Variants in FLVCR1 observed in about 807,000 individuals in gnomAD.
FLVCR1 encodes the protein FLVCR choline and heme transporter 1.
In FLVCR1, 34 loss-of-function variants were observed where a neutral mutation model predicts 53.6. That is an observed-to-expected ratio of 0.63 (90% CI 0.48 to 0.84). FLVCR1 has a LOEUF of 0.84. FLVCR1 is among the 40% of genes least tolerant of loss of function. FLVCR1 has a pLI of 0.00. For synonymous variants in FLVCR1, 300 were observed against 286.3 expected (o/e 1.05, Z -0.48); for missense variants, 677 against 696.7 (o/e 0.97, Z 0.32).
intron 3 of FLVCR1, among the ~76,000 whole-genome samples, chr1:212,877,903 G>T (rs1052405889): frequency 2.6e-5 from 4 of 152,048 alleles, no homozygotes; most frequent in Non-Finnish European, 5.9e-5. Context: ...GGAGGTCCTG[G>T]CTGGCTCAGT....
intron 8 of FLVCR1, 82 bp downstream of exon 8, chr1:212,889,339 A>G (rs1433848913): frequency 3.5e-6 from 3 of 860,738 alleles, no homozygotes; most frequent in Non-Finnish European, 6.0e-6. Context: ...AGCTTGACAG[A>G]ACTCAAGGGG....
chr1:212,865,125 A>C (rs938701149), intron 2 of FLVCR1, among the ~76,000 whole-genome samples: 21 of 137,252 alleles, frequency 1.5e-4, no homozygotes, highest in African/African-American at 5.1e-4. Flanking sequence ...TAAAAAAAAA[A>C]CACCAAAATT....
At chr1:212,865,343 T>TTGTTCAGTTCCCAC (rs759385493) in intron 2 of FLVCR1, among the ~76,000 whole-genome samples, 216 of 149,964 alleles carry the variant, frequency 1.4e-3, no homozygotes, top group Non-Finnish European at 2.6e-3. Context: ...TGTGTTCTCA[T>TTGTTCAGTTCCCAC]TGTTCAGTTC....
chr1:212,890,867 C>T (rs7553536), intron 8 of FLVCR1, among the ~76,000 whole-genome samples: 13,104 of 152,176 alleles, frequency 0.086, 711 homozygotes, highest in African/African-American at 0.15. Flanking sequence ...TACCTAAGGT[C>T]GCTCACTCAA....
At chr1:212,879,348 G>T (rs180699121) in intron 3 of FLVCR1, among the ~76,000 whole-genome samples, 5 of 152,018 alleles carry the variant, frequency 3.3e-5, no homozygotes, top group Admixed American at 6.6e-5. Flanking sequence ...TTTGCGTGAG[G>T]GTCACAGCAT....
chr1:212,898,170 C>T lies in FLVCR1; in HGVS notation c.*2880C>T, dbSNP rs1665387355. On this transcript the variant is annotated 3_prime_UTR_variant, in exon 10 of 10. Transcript: ENST00000366971. ...AAGATCTTTCCAAAATATTAAATGCCATTAATCATGGAATAGACCAAATTA... is the reference window on the plus strand; with the variant it reads ...AAGATCTTTCCAAAATATTAAATGCTATTAATCATGGAATAGACCAAATTA... The T allele has an allele frequency of 6.6e-6, 1 of 152,140 alleles. No individual in the cohort carries two copies. Among genetic ancestry groups the T allele is most frequent in the Non-Finnish European group, 1.5e-5 (1 of 68,030 alleles). 9.4% of individuals were successfully genotyped at this position (152,140 alleles called of 1,614,324 possible). A position where few individuals can be genotyped will look rare whatever the true frequency, so the allele number is the denominator to read the frequency against.
At position 212,858,277 on chromosome 1, in the gene FLVCR1, A is replaced by T. The variant is rs555000488; in HGVS notation, c.-176A>T. 1.6e-6 allele frequency: 1 copy of T among 614,240 alleles called. No individual in the cohort carries two copies. Among genetic ancestry groups the T allele is most frequent in the African/African-American group, 2.0e-5 (1 of 51,248 alleles). 38.0% of individuals were successfully genotyped at this position (614,240 alleles called of 1,614,324 possible). Reference sequence around the variant, plus strand: ...ACTGCCGCGCGGCGCGGGGGAGGAGACCTTCATCTGTTCACGCGGTAGCGC... The same window carrying T: ...ACTGCCGCGCGGCGCGGGGGAGGAGTCCTTCATCTGTTCACGCGGTAGCGC... On this transcript the variant is annotated 5_prime_UTR_variant, in exon 1 of 10. Coordinates refer to ENST00000366971, the MANE Select transcript of FLVCR1 (RefSeq NM_014053.4).
intron 2 of FLVCR1, chr1:212,870,272 A>G (rs1044114704): frequency 4.6e-5 from 7 of 152,244 alleles, no homozygotes; most frequent in African/African-American, 1.7e-4. Flanking sequence ...AGTTTTAGTT[A>G]TATCACAGTT....
intron 3 of FLVCR1, among the ~76,000 whole-genome samples, chr1:212,879,973 TA>T (rs936274574): frequency 1.3e-5 from 1 of 78,784 alleles, no homozygotes; most frequent in African/African-American, 3.2e-5. Flanking sequence ...GATAACATAG[TA>T]TTTTTTTTTT....
intron 3 of FLVCR1, among the ~76,000 whole-genome samples, chr1:212,876,876 A>G (rs937009002): frequency 1.2e-4 from 19 of 152,166 alleles, no homozygotes; most frequent in African/African-American, 4.3e-4. Context: ...GGTGGGTCAA[A>G]TGGTATTTCT....
At chr1:212,891,442 C>G (rs1252103777) in intron 8 of FLVCR1, among the ~76,000 whole-genome samples, 1 of 86,282 alleles carries the variant, frequency 1.2e-5, no homozygotes, top group African/African-American at 2.9e-5. Flanking sequence ...GAGACTCCGT[C>G]TCAAAAAAAA....
Position 212,895,253 on chromosome 1 carries a change from C to T in FLVCR1, c.1631C>T (p.Thr544Met), listed in dbSNP as rs3207090. 750,795 of 1,609,178 alleles carry T rather than the reference C, an allele frequency of 0.47. 180,923 individuals are homozygous for T. Among genetic ancestry groups the T allele is most frequent in the South Asian group, 0.5 (45,608 of 90,962 alleles). The change falls in exon 10 of 10, where the codon ACG (threonine) becomes ATG (methionine). Residue 544 changes from threonine (T) to methionine (M), a missense_variant. Physicochemically the swap from Thr to Met is moderately conservative, Grantham distance 81. Coordinates refer to ENST00000366971, the MANE Select transcript of FLVCR1 (RefSeq NM_014053.4). ...AGTCCCACAGACCAAGAACCAAAAACGGTTATGTTGTCCAAGCAGTCAGAA... is the reference window on the plus strand; with the variant it reads ...AGTCCCACAGACCAAGAACCAAAAATGGTTATGTTGTCCAAGCAGTCAGAA... ...ADSPTDQEPK[T>M]VMLSKQSESA... is the part of the protein sequence containing the mutation.
At chr1:212,881,033 A>C (rs6666167) in intron 3 of FLVCR1, among the ~76,000 whole-genome samples, 66,695 of 151,870 alleles carry the variant, frequency 0.44, 15,702 homozygotes, top group East Asian at 0.54. Context: ...CTAGAAAAAT[A>C]AAAACTAGAA....
At chr1:212,880,644 A>G (rs1224135076) in intron 3 of FLVCR1, among the ~76,000 whole-genome samples, 8 of 152,100 alleles carry the variant, frequency 5.3e-5, no homozygotes, top group African/African-American at 1.4e-4. Flanking sequence ...ATAAAAATAC[A>G]AAAATTAGCC....
At chr1:212,884,649 TA>T (rs1281905598) in intron 4 of FLVCR1, among the ~76,000 whole-genome samples, 2 of 152,220 alleles carry the variant, frequency 1.3e-5, no homozygotes, top group African/African-American at 4.8e-5. Context: ...TTCAGATATC[TA>T]TACAGTGTCA....
rs537234925 is a variant in FLVCR1, at chr1:212,899,047, G to A, written c.*3757G>A. The A allele has an allele frequency of 1.3e-5, 2 of 152,280 alleles. No homozygotes were observed. Among genetic ancestry groups the A allele is most frequent in the East Asian group, 1.9e-4 (1 of 5,190 alleles). The allele number at this position is 152,280 out of a possible 1,614,324, so 9.4% of individuals were successfully genotyped here. On this transcript the variant is annotated 3_prime_UTR_variant, in exon 10 of 10. Transcript: ENST00000366971. The stretch of plus-strand genomic sequence containing the variant: ...GTTGATCGAAACATGACTGTATGTC[G>A]TATTTTCAGAAAATGGAATAGGTAA...
rs746240195 is a variant in FLVCR1 at position 212,883,778 on chromosome 1, T to G, written c.1092+340T>G. Among the ~76,000 whole-genome samples the G allele has an allele frequency of 3.3e-5, 5 of 150,850 alleles. No individual in the cohort carries two copies. The South Asian group carries it at 8.4e-4, about 25-fold the overall frequency. ...AGCAGATTGGTTGCTACAAAGTTACTTTCCTTATAGGAGTAAAACAAAGGG... is the reference window on the plus strand; with the variant it reads ...AGCAGATTGGTTGCTACAAAGTTACGTTCCTTATAGGAGTAAAACAAAGGG... On this transcript the variant is annotated intron_variant, in intron 4 of 9. Transcript: ENST00000366971.
At chr1:212,889,482 A>G (rs1231007955) in intron 8 of FLVCR1, among the ~76,000 whole-genome samples, 1 of 152,176 alleles carries the variant, frequency 6.6e-6, no homozygotes, top group Non-Finnish European at 1.5e-5. Flanking sequence ...TAAGAGTAGT[A>G]AAGGCTGGGT....
chr1:212,895,283 C>G lies in FLVCR1; in HGVS notation c.1661C>G (p.Ala554Gly), dbSNP rs1665304227. Residue 554 changes from alanine (A) to glycine (G), a missense_variant, in exon 10 of 10, where the codon GCA (alanine) becomes GGA (glycine). Physicochemically the swap from Ala to Gly is moderately conservative, Grantham distance 60 (BLOSUM62 0). Coordinates refer to ENST00000366971, the MANE Select transcript of FLVCR1 (RefSeq NM_014053.4). ...ATGTTGTCCAAGCAGTCAGAATCAG[C>G]AATTTGAAGAGAAAGGCAAAGTTAC... ...TVMLSKQSES[A>G]I The G allele has an allele frequency of 1.2e-6, 2 of 1,612,068 alleles. No homozygotes were observed. The highest frequency in any genetic ancestry group is 2.2e-5 in the South Asian group (2 of 91,040).
Sources: allele counts gnomAD v4.1 joint callset (sites outside exome capture counted in the v4.1 genomes callset), GRCh38; gene constraint gnomAD v4.1.1; transcripts MANE v1.5; gene names NCBI Gene and HGNC (gene_info 2026-07-23, HGNC 2026-07-21).